The following CRISPLD2 variants were observed in gnomAD, a reference collection of about 807,000 sequenced individuals.
The protein encoded by CRISPLD2 is cysteine rich secretory protein LCCL domain containing 2, also known as cysteine-rich secretory protein LCCL domain-containing 2.
In CRISPLD2, 47 loss-of-function variants were observed where a neutral mutation model predicts 71.1. That is an observed-to-expected ratio of 0.66 (90% CI 0.52 to 0.84). The LOEUF is 0.84. Among genes scored for constraint, CRISPLD2 ranks in the 40% least tolerant of loss-of-function variants. The pLI, the probability that CRISPLD2 is intolerant of heterozygous loss-of-function variation, is 0.00. For synonymous variants in CRISPLD2, 317 were observed against 250.1 expected, an observed-to-expected ratio of 1.27 and a Z score of -2.52; for missense variants, 830 against 651.1, an observed-to-expected ratio of 1.27 and a Z score of -2.99.
chr16:84,874,958 C>T (rs372324538), intron 11 of CRISPLD2, among the ~76,000 whole-genome samples: 10 of 152,174 alleles, frequency 6.6e-5, no homozygotes, highest in African/African-American at 2.4e-4. Context: ...AATTATGTGT[C>T]TGGCTGATGC....
At chr16:84,822,576 C>T (rs773076483) in intron 1 of CRISPLD2, among the ~76,000 whole-genome samples, 17 of 152,272 alleles carry the variant, frequency 1.1e-4, no homozygotes, top group Non-Finnish European at 2.4e-4. Flanking sequence ...CTTTTGCAAA[C>T]GCACTGGTTT....
chr16:84,832,709 C>G (rs1312805335), intron 1 of CRISPLD2, among the ~76,000 whole-genome samples: 5 of 152,234 alleles, frequency 3.3e-5, no homozygotes, highest in African/African-American at 1.2e-4. Context: ...TGTGCAAAAG[C>G]AGGGAGCTTG....
intron 5 of CRISPLD2, among the ~76,000 whole-genome samples, chr16:84,852,526 T>C (rs66476874): frequency 0.31 from 46,930 of 152,160 alleles, 7,844 homozygotes; most frequent in Middle Eastern, 0.44. Context: ...TCACCGGTTC[T>C]TTCCTTTTGT....
At chr16:84,845,954 T>G in intron 3 of CRISPLD2, 50 bp downstream of exon 3, 1 of 1,257,556 alleles carries the variant, frequency 8.0e-7, no homozygotes, top group Non-Finnish European at 1.2e-6. Context: ...CACTGCCGTG[T>G]GCCGGGCTCA....
intron 1 of CRISPLD2, among the ~76,000 whole-genome samples, chr16:84,826,202 G>C (rs1916348436): frequency 6.6e-6 from 1 of 152,220 alleles, no homozygotes; most frequent in South Asian, 2.1e-4. Context: ...TGGTTATAGG[G>C]CCTGGTGTGA....
At chr16:84,843,494 C>T (rs1446461955) in intron 2 of CRISPLD2, among the ~76,000 whole-genome samples, 1 of 152,190 alleles carries the variant, frequency 6.6e-6, no homozygotes, top group Non-Finnish European at 1.5e-5. Flanking sequence ...CAGCCTGCCT[C>T]CGTCCAGCCA....
intron 8 of CRISPLD2, 131 bp from the exon 9 acceptor site, chr16:84,872,311 C>G (rs927693949): frequency 1.3e-6 from 1 of 788,404 alleles, no homozygotes; most frequent in African/African-American, 1.8e-5. Context: ...TGTCCAAAAA[C>G]AATGGAATCC....
intron 3 of CRISPLD2, among the ~76,000 whole-genome samples, chr16:84,848,492 G>A (rs1916978641): frequency 6.6e-6 from 1 of 151,044 alleles, no homozygotes; most frequent in South Asian, 2.1e-4. Context: ...AACCTTGGCA[G>A]CCAAGGCTGA....
chr16:84,874,586 C>T (rs187836207), intron 11 of CRISPLD2, among the ~76,000 whole-genome samples: 1 of 152,228 alleles, frequency 6.6e-6, no homozygotes, highest in Non-Finnish European at 1.5e-5. Context: ...GCCATTCCAG[C>T]TTCCTCCCCG....
At chr16:84,820,177 C>T (rs1298140634) in intron 1 of CRISPLD2, 44 bp downstream of exon 1, 2 of 152,220 alleles carry the variant, frequency 1.3e-5, no homozygotes, top group East Asian at 1.9e-4. Context: ...AACTGTTACC[C>T]CCCCGAGAAG....
intron 14 of CRISPLD2, among the ~76,000 whole-genome samples, chr16:84,889,597 A>G (rs1280419927): frequency 6.6e-6 from 1 of 151,342 alleles, no homozygotes; most frequent in Non-Finnish European, 1.5e-5. Flanking sequence ...AAAAAAAAAG[A>G]ACTTTTTTTC....
intron 6 of CRISPLD2, among the ~76,000 whole-genome samples, chr16:84,855,125 C>T (rs905898332): frequency 2.6e-5 from 4 of 152,112 alleles, no homozygotes; most frequent in Non-Finnish European, 5.9e-5. Flanking sequence ...ACGCACTGCT[C>T]ACCCTCGTTA....
intron 14 of CRISPLD2, among the ~76,000 whole-genome samples, chr16:84,900,066 C>G (rs1259924774): frequency 6.6e-6 from 1 of 152,082 alleles, no homozygotes; most frequent in African/African-American, 2.4e-5. Flanking sequence ...CCGCCAGGGT[C>G]ACCCCAGCCC....
At chr16:84,884,628 T>A (rs1016531113) in intron 13 of CRISPLD2, among the ~76,000 whole-genome samples, 1 of 140,826 alleles carries the variant, frequency 7.1e-6, no homozygotes, top group African/African-American at 3.2e-5. Context: ...AGGAGAGGTG[T>A]GGAGGAAGGA....
At chr16:84,906,470 A>C (rs1388360295) in intron 14 of CRISPLD2, 118 bp from the exon 15 acceptor site, 2 of 993,348 alleles carry the variant, frequency 2.0e-6, no homozygotes, top group Non-Finnish European at 3.0e-6. Context: ...TCCCTTGGCC[A>C]TGGCTCTTCC....
chr16:84,858,461 C>T (rs1433365263), intron 6 of CRISPLD2, among the ~76,000 whole-genome samples: 2 of 152,336 alleles, frequency 1.3e-5, no homozygotes, highest in East Asian at 1.9e-4. Flanking sequence ...CCTTAACAGG[C>T]CTAACACCAC....
chr16:84,854,616 C>G, intron 5 of CRISPLD2, 113 bp from the exon 6 acceptor site: 1 of 768,080 alleles, frequency 1.3e-6, no homozygotes, highest in South Asian at 1.5e-5. Flanking sequence ...CAACCTTCCC[C>G]CCTGACCTGT....
chr16:84,894,460 A>C (rs1451345923), intron 14 of CRISPLD2, among the ~76,000 whole-genome samples: 1 of 152,182 alleles, frequency 6.6e-6, no homozygotes, highest in African/African-American at 2.4e-5. Context: ...CTGAATCGCA[A>C]ATTCATTCAC....
chr16:84,896,205 T>A (rs1463619578), intron 14 of CRISPLD2, among the ~76,000 whole-genome samples: 4 of 151,910 alleles, frequency 2.6e-5, no homozygotes, highest in African/African-American at 9.7e-5. Flanking sequence ...ACCTGGCTAA[T>A]TTTTTTCATA....
Sources: gnomAD v4.1 joint callset for allele counts (sites outside exome capture counted in the v4.1 genomes callset) on GRCh38, gnomAD v4.1.1 for gene constraint, MANE v1.5 for transcripts, NCBI Gene and HGNC (gene_info 2026-07-23, HGNC 2026-07-21) for gene names.